The following BHMT variants were observed in gnomAD, a reference collection of about 807,000 sequenced individuals.
The protein encoded by BHMT is betaine--homocysteine S-methyltransferase, also known as betaine--homocysteine S-methyltransferase 1.
BHMT carries 38 observed loss-of-function variants against 49.5 expected under a neutral mutation model. The ratio of observed to expected loss-of-function variants is 0.77; its 90% CI spans 0.59 to 1.01. The LOEUF (loss-of-function observed/expected upper bound fraction) is 1.01, where lower values mean the gene tolerates loss of function less well. Among genes scored for constraint, BHMT ranks in the 50% least tolerant of loss-of-function variants. The probability of loss-of-function intolerance (pLI) is 0.00; values close to 1 mark genes in which losing one functional copy is unlikely to be tolerated. For synonymous variants in BHMT, 166 were observed against 176.3 expected (o/e 0.94, Z 0.46); for missense variants, 426 against 495.7 (o/e 0.86, Z 1.34).
chr5:79,118,595 T>C (rs1305943959), intron 2 of BHMT, among the ~76,000 whole-genome samples: 1 of 152,262 alleles, frequency 6.6e-6, no homozygotes, highest in Non-Finnish European at 1.5e-5. Flanking sequence ...TTGAAAACAC[T>C]GTATTAATTA....
intron 2 of BHMT, 141 bp from the exon 3 acceptor site, chr5:79,119,118 T>G: frequency 1.6e-6 from 1 of 641,512 alleles, no homozygotes; most frequent in Non-Finnish European, 2.7e-6. Flanking sequence ...CAGATCTACC[T>G]CTCATCTACC....
chr5:79,115,759 A>C lies in BHMT; in HGVS notation c.34-8A>C. 1.3e-6 allele frequency: 2 copies of C among 1,586,970 alleles called. No homozygotes were observed. The highest frequency in any genetic ancestry group is 1.7e-6 in the Non-Finnish European group (2 of 1,167,106). On this transcript the variant is annotated splice_polypyrimidine_tract_variant and splice_region_variant and intron_variant, in intron 1 of 7. Coordinates refer to ENST00000274353, the MANE Select transcript of BHMT (RefSeq NM_001713.3). The stretch of plus-strand genomic sequence containing the variant: ...TAACTCCTTTTCCTCCCTCATCTGT[A>C]ATTTTAGGGCATCCTAGAACGTTTA...
chr5:79,125,722 A>G (rs1056198389), intron 5 of BHMT, among the ~76,000 whole-genome samples: 2 of 151,880 alleles, frequency 1.3e-5, no homozygotes, highest in Admixed American at 6.6e-5. Flanking sequence ...ACTTGAGCTC[A>G]GGAGTTCGAG....
At chr5:79,118,321 A>ACCAGG (rs1329297313) in intron 2 of BHMT, among the ~76,000 whole-genome samples, 2 of 151,968 alleles carry the variant, frequency 1.3e-5, no homozygotes, top group African/African-American at 4.8e-5. Flanking sequence ...CAAAAAAATT[A>ACCAGG]CCAGGCGTGG....
chr5:79,130,960 T>G lies in BHMT; in HGVS notation c.1065T>G (p.Leu355=), dbSNP rs1580276762. 9 of 1,613,080 alleles carry G rather than the reference T, an allele frequency of 5.6e-6. No homozygotes were observed. The highest frequency in any genetic ancestry group is 7.6e-6 in the Non-Finnish European group (9 of 1,179,602). Residue 355 remains leucine, a synonymous_variant, in exon 8 of 8, where the codon CTT becomes CTG. Coordinates refer to ENST00000274353, the MANE Select transcript of BHMT (RefSeq NM_001713.3). ...CCAGGAAGGAATACTGGGAGAATCT[T>G]CGGATAGCCTCAGGCCGGCCATACA... is the stretch of plus-strand genomic sequence containing the variant. ...ARARKEYWEN[L]RIASGRPYNP...
intron 2 of BHMT, 85 bp from the exon 3 acceptor site, chr5:79,119,174 T>A (rs1451750460): frequency 9.3e-7 from 1 of 1,081,048 alleles, no homozygotes; most frequent in Non-Finnish European, 1.3e-6. Context: ...AAGCAGTTGT[T>A]TTCCTGCTTG....
At chr5:79,129,485 C>A (rs1373162110) in intron 7 of BHMT, among the ~76,000 whole-genome samples, 2 of 152,188 alleles carry the variant, frequency 1.3e-5, no homozygotes, top group Non-Finnish European at 2.9e-5. Flanking sequence ...GTGAAAGACA[C>A]CTCCCAGGAG....
At chr5:79,118,258 T>A (rs1302313255) in intron 2 of BHMT, among the ~76,000 whole-genome samples, 1 of 152,082 alleles carries the variant, frequency 6.6e-6, no homozygotes, top group Non-Finnish European at 1.5e-5. Context: ...TTGAGGTCAG[T>A]AGTTCAAGAC....
chr5:79,122,976 G>A (rs1333353000), intron 5 of BHMT, among the ~76,000 whole-genome samples: 1 of 152,164 alleles, frequency 6.6e-6, no homozygotes, highest in African/African-American at 2.4e-5. Context: ...CCAGTTGAGA[G>A]TTTTAGCCTT....
At position 79,120,383 on chromosome 5, in the gene BHMT, G is replaced by A. The variant is rs894122242; in HGVS notation, c.319G>A (p.Ala107Thr). The change falls in exon 4 of 8, where the codon GCC becomes ACC. Residue 107 changes from alanine to threonine, a missense_variant. Transcript: ENST00000274353. ...AGTCAATGAAGCTGCTTGCGACATC[G>A]CCCGACAAGTGGCTGATGAAGGAGA... ...QEVNEAACDI[A>T]RQVADEGDAL... 11 of 1,613,240 alleles carry A rather than the reference G, an allele frequency of 6.8e-6. No individual in the cohort carries two copies. Among genetic ancestry groups the A allele is most frequent in the African/African-American group, 5.3e-5 (4 of 74,856 alleles).
chr5:79,115,653 G>GA, intron 1 of BHMT, 114 bp from the exon 2 acceptor site: 2 of 1,254,944 alleles, frequency 1.6e-6, no homozygotes, highest in Admixed American at 5.2e-5. Flanking sequence ...ATTTTTCTCT[G>GA]AAAATTCTAA....
At chr5:79,114,617 T>C (rs925364189) in intron 1 of BHMT, among the ~76,000 whole-genome samples, 4 of 152,224 alleles carry the variant, frequency 2.6e-5, no homozygotes, top group Admixed American at 6.5e-5. Context: ...CCCAAGTTAT[T>C]CCTTTACACT....
intron 7 of BHMT, among the ~76,000 whole-genome samples, chr5:79,129,609 G>A (rs1259279004): frequency 1.3e-5 from 2 of 152,174 alleles, no homozygotes; most frequent in African/African-American, 4.8e-5. Flanking sequence ...TAGCAAGTTA[G>A]CAAGTTGTAA....
chr5:79,112,042 C>T (rs1580266393), intron 1 of BHMT, 124 bp downstream of exon 1: 2 of 1,136,818 alleles, frequency 1.8e-6, no homozygotes, highest in East Asian at 6.0e-5. Context: ...TACTCCCTCC[C>T]CTCCCTCAGC....
chr5:79,113,081 T>A (rs1032914418), intron 1 of BHMT, among the ~76,000 whole-genome samples: 1 of 152,170 alleles, frequency 6.6e-6, no homozygotes, highest in African/African-American at 2.4e-5. Context: ...TCTAAAGGGA[T>A]GGCCTCCCAA....
intron 7 of BHMT, among the ~76,000 whole-genome samples, chr5:79,129,070 C>T (rs1045121216): frequency 6.6e-6 from 1 of 152,126 alleles, no homozygotes; most frequent in African/African-American, 2.4e-5. Context: ...AACTAGGAAG[C>T]GGGTGGAGGA....
chr5:79,113,862 A>C (rs369058158), intron 1 of BHMT, among the ~76,000 whole-genome samples: 20 of 152,264 alleles, frequency 1.3e-4, no homozygotes, highest in African/African-American at 2.9e-4. Context: ...TGAGCCACAT[A>C]GTAATTGAAT....
At chr5:79,115,120 A>C (rs548903567) in intron 1 of BHMT, among the ~76,000 whole-genome samples, 1 of 152,252 alleles carries the variant, frequency 6.6e-6, no homozygotes, top group South Asian at 2.1e-4. Flanking sequence ...TTTTAACACC[A>C]AAGATAGAAG....
At chr5:79,114,532 G>T (rs953929117) in intron 1 of BHMT, among the ~76,000 whole-genome samples, 3 of 152,136 alleles carry the variant, frequency 2.0e-5, no homozygotes, top group Admixed American at 2.0e-4. Flanking sequence ...CAGATTTCTG[G>T]AATCTTGTTA....
Sources: allele counts gnomAD v4.1 joint callset (sites outside exome capture counted in the v4.1 genomes callset), GRCh38; gene constraint gnomAD v4.1.1; transcripts MANE v1.5; gene names NCBI Gene and HGNC (gene_info 2026-07-23, HGNC 2026-07-21).